FYTTD1: variants seen among roughly 807,000 people sequenced by gnomAD.
FYTTD1 encodes the protein UAP56-interacting factor.
A neutral mutation model predicts 40.9 loss-of-function variants in FYTTD1; 22 were observed. That is an observed-to-expected ratio of 0.54 (90% CI 0.38 to 0.77). The LOEUF (loss-of-function observed/expected upper bound fraction) is 0.77, where lower values mean the gene tolerates loss of function less well. FYTTD1 is among the 30% of genes least tolerant of loss of function. The pLI is 0.00. For synonymous variants in FYTTD1, 140 were observed against 137.9 expected, an observed-to-expected ratio of 1.01 and a Z score of -0.10; for missense variants, 351 against 392.2, an observed-to-expected ratio of 0.90 and a Z score of 0.89.
chr3:197,776,202 G>A (rs1448688967), intron 6 of FYTTD1, among the ~76,000 whole-genome samples: 1 of 150,806 alleles, frequency 6.6e-6, no homozygotes, highest in Admixed American at 6.6e-5. Flanking sequence ...ATTCATCATA[G>A]CAATTTTTTT....
In FYTTD1 at chr3:197,773,483, T is replaced by G; in HGVS notation, c.578T>G (p.Phe193Cys). 6.3e-7 allele frequency: 1 copy of G among 1,585,858 alleles called. No homozygotes were observed. Among genetic ancestry groups the G allele is most frequent in the Non-Finnish European group, 8.6e-7 (1 of 1,158,644 alleles). Residue 193 changes from phenylalanine to cysteine, a missense_variant, in exon 5 of 9, where the codon TTC (phenylalanine) becomes TGC (cysteine). Transcript: ENST00000241502. ...GATACTCGTCAGGCAACTTTTCTTT[T>G]CAGAAGAGGCCTGAAGGTATTTAAA... ...QKDTRQATFL[F>C]RRGLKVQAQL...
In FYTTD1 at chr3:197,784,480, A is replaced by G. The variant is rs1730109796; in HGVS notation, c.*2571A>G. On this transcript the variant is annotated 3_prime_UTR_variant, in exon 9 of 9. Coordinates refer to ENST00000241502, the MANE Select transcript of FYTTD1 (RefSeq NM_032288.7). ...TCTCTCTTTTGATGATTTCATTTGTAGCTCCAACAAATGAATCTAAAAAGA... is the reference window on the plus strand; with the variant it reads ...TCTCTCTTTTGATGATTTCATTTGTGGCTCCAACAAATGAATCTAAAAAGA... 1 of 152,176 alleles carries G rather than the reference A, an allele frequency of 6.6e-6. No individual in the cohort carries two copies. The highest frequency in any genetic ancestry group is 2.4e-5 in the African/African-American group (1 of 41,442). 9.4% of individuals were successfully genotyped at this position (152,176 alleles called of 1,614,324 possible). A position where few individuals can be genotyped will look rare whatever the true frequency, so the allele number is the denominator to read the frequency against.
upstream of FYTTD1, chr3:197,749,761 G>C (rs1728929394): frequency 5.2e-6 from 3 of 576,618 alleles, no homozygotes; most frequent in Non-Finnish European, 9.5e-6. Context: ...GATCCTGCGA[G>C]GGCCGCTAGG....
Position 197,773,289 on chromosome 3 carries a change from G to A in FYTTD1, c.498-114G>A, listed in dbSNP as rs149546953. 4.5e-4 allele frequency: 279 copies of A among 621,574 alleles called. 1 individual carries two copies. The highest frequency in any genetic ancestry group is 4.4e-3 in the African/African-American group (236 of 53,776). The allele number at this position is 621,574 out of a possible 1,614,324, so 38.5% of individuals were successfully genotyped here. A position where few individuals can be genotyped will look rare whatever the true frequency, so the allele number is the denominator to read the frequency against. The stretch of plus-strand genomic sequence containing the variant: ...ATAAGCAAATAATTCAGAGTTGTTT[G>A]TTTCTTGCACCTCATGTTTGCAGCC... On this transcript the variant is annotated intron_variant, in intron 4 of 8. Coordinates refer to ENST00000241502, the MANE Select transcript of FYTTD1 (RefSeq NM_032288.7).
chr3:197,779,447 T>G (rs573636445), intron 8 of FYTTD1, among the ~76,000 whole-genome samples: 1 of 151,968 alleles, frequency 6.6e-6, no homozygotes, highest in Non-Finnish European at 1.5e-5. Flanking sequence ...ATTGACAATT[T>G]TGTATTAACC....
intron 2 of FYTTD1, among the ~76,000 whole-genome samples, chr3:197,767,269 G>A (rs960480037): frequency 2.3e-4 from 35 of 151,900 alleles, no homozygotes; most frequent in African/African-American, 8.5e-4. Context: ...CTCCCGAGTA[G>A]CTGGGACTAC....
Position 197,784,345 on chromosome 3 carries a change from A to G in FYTTD1, c.*2436A>G, listed in dbSNP as rs906962775. ...TGAGTTGTGGTTTTTAGATTGTTCT[A>G]TGTTACGAAGAACTTTGTAGTGGTT... is the stretch of plus-strand genomic sequence containing the variant. On this transcript the variant is annotated 3_prime_UTR_variant, in exon 9 of 9. Coordinates refer to ENST00000241502, the MANE Select transcript of FYTTD1 (RefSeq NM_032288.7). The G allele has an allele frequency of 5.9e-5, 9 of 152,322 alleles. No homozygotes were observed. The highest frequency in any genetic ancestry group is 3.9e-4 in the East Asian group (2 of 5,184). The allele number at this position is 152,322 out of a possible 1,614,324, so 9.4% of individuals were successfully genotyped here.
Position 197,783,910 on chromosome 3 carries a change from A to G in FYTTD1, c.*2001A>G, listed in dbSNP as rs530594355. On this transcript the variant is annotated 3_prime_UTR_variant, in exon 9 of 9. Transcript: ENST00000241502. Reference sequence around the variant, plus strand: ...AATAACAAATTATCTTTGATACATTAAACTTTTATTCTTCATGCATCTGTA... The same window carrying G: ...AATAACAAATTATCTTTGATACATTGAACTTTTATTCTTCATGCATCTGTA... The G allele has an allele frequency of 1.2e-4, 19 of 152,638 alleles. No individual in the cohort carries two copies. The highest frequency in any genetic ancestry group is 2.1e-4 in the Non-Finnish European group (14 of 68,034). The allele number at this position is 152,638 out of a possible 1,614,324, so 9.5% of individuals were successfully genotyped here.
intron 7 of FYTTD1, among the ~76,000 whole-genome samples, chr3:197,777,882 T>A (rs1729921421): frequency 6.7e-6 from 1 of 148,976 alleles, no homozygotes; most frequent in African/African-American, 2.5e-5. Flanking sequence ...ACCCAGCTAA[T>A]TTTTTTTTTG....
intron 2 of FYTTD1, among the ~76,000 whole-genome samples, chr3:197,760,140 A>T (rs916316236): frequency 1.4e-5 from 2 of 145,006 alleles, no homozygotes; most frequent in Admixed American, 1.4e-4. Flanking sequence ...TAGAACTTAT[A>T]GAGTGTTCCT....
rs1439880892 is a variant in FYTTD1 at position 197,750,078 on chromosome 3, A to AGGGGCCGAGT, written c.103+5_103+14dup. The AGGGGCCGAGT allele has an allele frequency of 1.3e-6, 2 of 1,561,856 alleles. No homozygotes were observed. The highest frequency in any genetic ancestry group is 2.8e-5 in the African/African-American group (2 of 70,928). On this transcript the variant is annotated splice_donor_region_variant and intron_variant, in intron 1 of 8. Transcript: ENST00000241502. ...GACAAAATAGATATGTCTTTGGGTG[A>AGGGGCCGAGT]GGGGCCGAGTTGGACCGAGTTGGAG...
chr3:197,766,798 C>T (rs1219195984), intron 2 of FYTTD1, among the ~76,000 whole-genome samples: 1 of 151,816 alleles, frequency 6.6e-6, no homozygotes, highest in Non-Finnish European at 1.5e-5. Context: ...GTGTAGTTGC[C>T]GAAAGATTGA....
intron 6 of FYTTD1, among the ~76,000 whole-genome samples, chr3:197,775,677 G>A (rs977605451): frequency 2.0e-5 from 3 of 152,196 alleles, no homozygotes; most frequent in Admixed American, 6.5e-5. Context: ...CAGATATGGT[G>A]CCAACTGTGG....
intron 6 of FYTTD1, among the ~76,000 whole-genome samples, chr3:197,775,654 C>T (rs1729855009): frequency 6.6e-6 from 1 of 152,208 alleles, no homozygotes; most frequent in Non-Finnish European, 1.5e-5. Context: ...GGCTGTAAAA[C>T]ATGGTCAGGG....
chr3:197,774,053 A>T (rs1169369219), intron 5 of FYTTD1, 96 bp from the exon 6 acceptor site: 1 of 996,370 alleles, frequency 1.0e-6, no homozygotes, highest in South Asian at 1.3e-5. Context: ...ACTCATGTAC[A>T]CGCACCACTG....
At chr3:197,759,789 GTGTTCTTCAGTGGTAGAACGTATAGAGT>G (rs1440504503) in intron 2 of FYTTD1, among the ~76,000 whole-genome samples, 3 of 147,166 alleles carry the variant, frequency 2.0e-5, no homozygotes, top group Admixed American at 6.7e-5. Context: ...AATGTATAGA[GTGTTCTTCAGTGGTAGAACGTATAGAGT>G]TGTTCTTCAG....
At position 197,784,805 on chromosome 3, in the gene FYTTD1, A is replaced by G. The variant is rs1324917575; in HGVS notation, c.*2896A>G. The G allele has an allele frequency of 6.6e-6, 1 of 152,184 alleles. No individual in the cohort carries two copies. The highest frequency in any genetic ancestry group is 2.4e-5 in the African/African-American group (1 of 41,444). The allele number at this position is 152,184 out of a possible 1,614,324, so 9.4% of individuals were successfully genotyped here. A position where few individuals can be genotyped will look rare whatever the true frequency, so the allele number is the denominator to read the frequency against. On this transcript the variant is annotated 3_prime_UTR_variant, in exon 9 of 9. Coordinates refer to ENST00000241502, the MANE Select transcript of FYTTD1 (RefSeq NM_032288.7). ...CACTCTGTCTTAAAAAAACAAAAAA[A>G]AAGAATCCAGTATACTTTGCAATGC...
Position 197,768,590 on chromosome 3 carries a change from A to G in FYTTD1, c.384+3A>G, listed in dbSNP as rs763119452. 3.1e-6 allele frequency: 5 copies of G among 1,611,010 alleles called. No homozygotes were observed. In the East Asian group the frequency reaches 6.7e-5, roughly 22 times the overall value. ...ATCGTCCACCTCTAAGTGACAAGGT[A>G]GGATGATGGCTTAATCCTGGATTAG... On this transcript the variant is annotated splice_donor_region_variant and intron_variant, in intron 3 of 8. Coordinates refer to ENST00000241502, the MANE Select transcript of FYTTD1 (RefSeq NM_032288.7).
At chr3:197,775,204 TCA>T (rs1729842754) in intron 6 of FYTTD1, among the ~76,000 whole-genome samples, 1 of 152,208 alleles carries the variant, frequency 6.6e-6, no homozygotes, top group Non-Finnish European at 1.5e-5. Flanking sequence ...GTTTTCCTTT[TCA>T]CAGTCTTTTT....
Sources: allele counts gnomAD v4.1 joint callset (sites outside exome capture counted in the v4.1 genomes callset), GRCh38; gene constraint gnomAD v4.1.1; transcripts MANE v1.5; gene names NCBI Gene and HGNC (gene_info 2026-07-23, HGNC 2026-07-21).